UBE4B: variants seen among roughly 807,000 people sequenced by gnomAD.
The protein encoded by UBE4B is ubiquitination factor E4B.
UBE4B carries 27 observed loss-of-function variants against 148.1 expected under a neutral mutation model. The observed-to-expected ratio is 0.18, with a 90% CI of 0.13 to 0.25. The LOEUF is 0.25. Ranked by LOEUF, UBE4B falls within the 10% of genes least tolerant of loss-of-function variation. The pLI is 1.00. For missense variants in UBE4B, 1,170 were observed against 1,662.4 expected (o/e 0.70, Z 5.15); for synonymous variants, 596 against 619.3 (o/e 0.96, Z 0.56).
chr1:10,060,217 A>C (rs1033028874), intron 1 of UBE4B, among the ~76,000 whole-genome samples: 1 of 152,162 alleles, frequency 6.6e-6, no homozygotes, highest in Non-Finnish European at 1.5e-5. Context: ...TGTGAACACT[A>C]TAGGGTATAG....
At chr1:10,128,343 CGAG>C (rs1645536301) in intron 11 of UBE4B, 1 of 152,114 alleles carries the variant, frequency 6.6e-6, no homozygotes, top group Admixed American at 6.5e-5. Context: ...TGCATAATAA[CGAG>C]GACACAGTGA....
intron 12 of UBE4B, among the ~76,000 whole-genome samples, chr1:10,130,236 G>A (rs1460034841): frequency 1.3e-5 from 2 of 151,862 alleles, no homozygotes; most frequent in Non-Finnish European, 2.9e-5. Context: ...CACCACGCCC[G>A]GCTAATTTTT....
Position 10,130,793 on chromosome 1 carries a change from C to T in UBE4B, c.1891C>T (p.His631Tyr). Residue 631 changes from histidine (H) to tyrosine (Y), a missense_variant, in exon 14 of 28, where the codon CAT (histidine) becomes TAT (tyrosine). His to Tyr is a moderately conservative substitution (Grantham distance 83). This residue lies in a region of UBE4B where 388 missense variants were observed against 536.0 expected (regional missense o/e 0.72). Transcript: ENST00000343090. ...NTRVVSQSLQ[H>Y]YLELGRQELF... ...TCGTGTGGTTAGCCAATCATTGCAG[C>T]ATTACTTAGAGCTCGGAAGGGTAAG... 6.2e-7 allele frequency: 1 copy of T among 1,614,150 alleles called. No individual in the cohort carries two copies. Among genetic ancestry groups the T allele is most frequent in the Non-Finnish European group, 8.5e-7 (1 of 1,179,996 alleles).
In UBE4B at chr1:10,132,362, A is replaced by AT; in HGVS notation, c.1912-4dup. 28 of 1,603,018 alleles carry AT rather than the reference A, an allele frequency of 1.7e-5. No individual in the cohort carries two copies. The highest frequency in any genetic ancestry group is 2.4e-5 in the Non-Finnish European group (28 of 1,175,560). Reference sequence around the variant, plus strand: ...ATTTGTTTCTTCTTTTTAAAAATAAATTTCAGCAAGAGCTTTTTAAGATTC... The same window carrying AT: ...ATTTGTTTCTTCTTTTTAAAAATAAATTTTCAGCAAGAGCTTTTTAAGATTC... On this transcript the variant is annotated splice_polypyrimidine_tract_variant and splice_region_variant and intron_variant, in intron 14 of 27. Transcript: ENST00000343090.
chr1:10,130,422 G>A lies in UBE4B; in HGVS notation c.1696-78G>A. The A allele has an allele frequency of 1.3e-5, 15 of 1,152,584 alleles. 1 individual carries two copies. Among genetic ancestry groups the A allele is most frequent in the South Asian group, 6.3e-5 (5 of 78,986 alleles). The allele number at this position is 1,152,584 out of a possible 1,614,324, so 71.4% of individuals were successfully genotyped here. ...AATAATATCTTGTGAAAATACAGAG[G>A]AGCTGGAGAGTTTTCATTACATTTT... is the stretch of plus-strand genomic sequence containing the variant. On this transcript the variant is annotated intron_variant, in intron 12 of 27. Coordinates refer to ENST00000343090, the MANE Select transcript of UBE4B (RefSeq NM_001105562.3).
chr1:10,170,247 C>G (rs1646318987), intron 24 of UBE4B, among the ~76,000 whole-genome samples: 1 of 152,188 alleles, frequency 6.6e-6, no homozygotes, highest in East Asian at 1.9e-4. Flanking sequence ...TCTCCTACTT[C>G]AAACAGAATG....
At chr1:10,043,728 G>A (rs974290429) in intron 1 of UBE4B, among the ~76,000 whole-genome samples, 7 of 152,160 alleles carry the variant, frequency 4.6e-5, no homozygotes, top group Middle Eastern at 6.8e-3. Context: ...GCGCTGGGCC[G>A]GGATGCTTCT....
intron 25 of UBE4B, among the ~76,000 whole-genome samples, chr1:10,178,072 G>A (rs544375550): frequency 6.6e-6 from 1 of 152,100 alleles, no homozygotes; most frequent in Non-Finnish European, 1.5e-5. Flanking sequence ...GTTCACCAGG[G>A]TGGTCTAACG....
chr1:10,170,136 A>T (rs74499985), intron 24 of UBE4B, among the ~76,000 whole-genome samples: 2 of 152,096 alleles, frequency 1.3e-5, no homozygotes, highest in South Asian at 2.1e-4. Context: ...CCTTTGCTAC[A>T]CTATTTACTA....
intron 15 of UBE4B, 119 bp downstream of exon 15, chr1:10,132,601 C>T (rs753253235): frequency 1.6e-5 from 12 of 744,042 alleles, no homozygotes; most frequent in East Asian, 5.4e-5. Flanking sequence ...ACAAGGTAGA[C>T]GAGCTTCCTG....
At chr1:10,109,553 G>A (rs1557561636) in intron 7 of UBE4B, among the ~76,000 whole-genome samples, 2 of 152,114 alleles carry the variant, frequency 1.3e-5, no homozygotes, top group Non-Finnish European at 2.9e-5. Flanking sequence ...GAATGCCAAA[G>A]CATGGGTAAA....
chr1:10,042,081 C>T (rs1470034696), intron 1 of UBE4B, among the ~76,000 whole-genome samples: 1 of 152,160 alleles, frequency 6.6e-6, no homozygotes, highest in Non-Finnish European at 1.5e-5. Context: ...ATTACAGGCG[C>T]CCGCCGCCAG....
intron 1 of UBE4B, among the ~76,000 whole-genome samples, chr1:10,041,328 T>C (rs1370681472): frequency 1.3e-5 from 2 of 151,098 alleles, no homozygotes; most frequent in East Asian, 1.9e-4. Flanking sequence ...GTAACCTTTT[T>C]GGCATTCTTT....
intron 14 of UBE4B, among the ~76,000 whole-genome samples, chr1:10,131,524 A>G (rs1023679346): frequency 3.2e-4 from 49 of 151,944 alleles, no homozygotes; most frequent in African/African-American, 1.2e-3. Context: ...GGCTTGGGTA[A>G]CTAAGGTAAT....
intron 1 of UBE4B, among the ~76,000 whole-genome samples, chr1:10,069,686 C>G (rs1644450912): frequency 6.6e-6 from 1 of 152,168 alleles, no homozygotes; most frequent in South Asian, 2.1e-4. Flanking sequence ...AGGTGTGTGG[C>G]ACCATGCCTG....
chr1:10,085,318 G>T (rs1644747687), intron 2 of UBE4B, among the ~76,000 whole-genome samples: 1 of 152,216 alleles, frequency 6.6e-6, no homozygotes, highest in South Asian at 2.1e-4. Context: ...TGATCCTAAA[G>T]AATGAAAATA....
chr1:10,033,346 G>A lies in UBE4B; in HGVS notation c.-325G>A. The A allele has an allele frequency of 4.1e-6, 1 of 246,876 alleles. No individual in the cohort carries two copies. The highest frequency in any genetic ancestry group is 7.8e-6 in the Non-Finnish European group (1 of 129,010). 15.3% of individuals were successfully genotyped at this position (246,876 alleles called of 1,614,324 possible). A position where few individuals can be genotyped will look rare whatever the true frequency, so the allele number is the denominator to read the frequency against. On this transcript the variant is annotated 5_prime_UTR_variant, in exon 1 of 28. Coordinates refer to ENST00000343090, the MANE Select transcript of UBE4B (RefSeq NM_001105562.3). The stretch of plus-strand genomic sequence containing the variant: ...GGGCACGAGACGAACTGGAGACCGC[G>A]CTGCCTAGCTGGGTAACCTGGGAAG...
At chr1:10,053,421 T>A (rs1287160206) in intron 1 of UBE4B, among the ~76,000 whole-genome samples, 2 of 151,662 alleles carry the variant, frequency 1.3e-5, no homozygotes, top group Non-Finnish European at 1.5e-5. Context: ...AGTCCTGGGA[T>A]TACAGGCGTG....
At chr1:10,176,060 T>TC (rs1423496339) in intron 25 of UBE4B, among the ~76,000 whole-genome samples, 1 of 152,236 alleles carries the variant, frequency 6.6e-6, no homozygotes, top group Non-Finnish European at 1.5e-5. Flanking sequence ...ATTTACCTAT[T>TC]CACCTCTCCG....
Sources: allele counts gnomAD v4.1 joint callset (sites outside exome capture counted in the v4.1 genomes callset), GRCh38; gene constraint gnomAD v4.1.1; regional missense constraint gnomAD v4.1.1; transcripts MANE v1.5; gene names NCBI Gene and HGNC (gene_info 2026-07-23, HGNC 2026-07-21).